The following ZNF334 variants were observed in gnomAD, a reference collection of about 807,000 sequenced individuals.
ZNF334 encodes the protein zinc finger protein 334.
A neutral mutation model predicts 12.4 loss-of-function variants in ZNF334; 14 were observed. The ratio of observed to expected loss-of-function variants is 1.13; its 90% CI spans 0.74 to 1.76. ZNF334 has a LOEUF of 1.76. Ranked by LOEUF, ZNF334 falls within the 40% of genes most tolerant of loss-of-function variation. ZNF334 has a pLI of 0.00. For missense variants in ZNF334, 797 were observed against 804.5 expected (o/e 0.99, Z 0.11); for synonymous variants, 273 against 269.6 (o/e 1.01, Z -0.12).
In ZNF334 at chr20:46,501,592, G is replaced by C. The variant is rs145212475; in HGVS notation, c.1747C>G (p.Gln583Glu). Residue 583 changes from glutamine to glutamate, a missense_variant, in exon 5 of 5, where the codon CAG (glutamine) becomes GAG (glutamate). Physicochemically the swap from Gln to Glu is conservative, Grantham distance 29. Coordinates refer to ENST00000692313, the MANE Select transcript of ZNF334 (RefSeq NM_001353824.2). ...TGATGTTCAACAAAGGAGAACTTCT[G>C]ACAGAAGGTTTTCCCACATTCATTA... ...ECNECGKTFC[Q>E]KFSFVEHQRT... is the part of the protein sequence containing the mutation. The C allele has an allele frequency of 6.8e-6, 11 of 1,613,896 alleles. No homozygotes were observed. The African/African-American group carries it at 1.2e-4, about 18-fold the overall frequency.
At chr20:46,495,114 C>T (rs1487953213), downstream of ZNF334, among the ~76,000 whole-genome samples, 1 of 152,042 alleles carries the variant, frequency 6.6e-6, no homozygotes, top group Admixed American at 6.5e-5. Flanking sequence ...AAGTTAAATA[C>T]TTCAATTTAG....
At chr20:46,493,478 T>C in the ZNF334 span, among the ~76,000 whole-genome samples, 2 of 152,126 alleles carry the variant, frequency 1.3e-5, no homozygotes, top group African/African-American at 4.8e-5. Flanking sequence ...GTGGTCAAGA[T>C]GGTTTCTGCT....
downstream of ZNF334, among the ~76,000 whole-genome samples, chr20:46,498,484 CGTCAA>C (rs2061061472): frequency 6.6e-6 from 1 of 152,106 alleles, no homozygotes; most frequent in African/African-American, 2.4e-5. Flanking sequence ...CTTTCAGCCC[CGTCAA>C]GTCTTTACAT....
chr20:46,482,652 CAATAA>C, the ZNF334 span, among the ~76,000 whole-genome samples: 1 of 152,016 alleles, frequency 6.6e-6, no homozygotes, highest in Middle Eastern at 3.4e-3. Context: ...TTTTTTATAT[CAATAA>C]AATATCAATT....
the ZNF334 span, among the ~76,000 whole-genome samples, chr20:46,469,454 C>T: frequency 1.7e-3 from 252 of 151,812 alleles, no homozygotes; most frequent in African/African-American, 5.6e-3. Context: ...CTGCAAGCTC[C>T]GCCTCCCAGG....
rs1053727043 is a variant in ZNF334 at position 46,500,369 on chromosome 20, A to G, written c.*927T>C. 1.3e-5 allele frequency: 2 copies of G among 152,288 alleles called. No individual in the cohort carries two copies. The highest frequency in any genetic ancestry group is 4.8e-5 in the African/African-American group (2 of 41,578). 9.4% of individuals were successfully genotyped at this position (152,288 alleles called of 1,614,324 possible). A position where few individuals can be genotyped will look rare whatever the true frequency, so the allele number is the denominator to read the frequency against. Reference sequence around the variant, plus strand: ...ATAATGTAATCCTAATCAGCATCCCAGGCGCCTTTTGTTCTCAGAATTTGA... The same window carrying G: ...ATAATGTAATCCTAATCAGCATCCCGGGCGCCTTTTGTTCTCAGAATTTGA... On this transcript the variant is annotated 3_prime_UTR_variant, in exon 5 of 5. Transcript: ENST00000692313.
At chr20:46,499,207 C>T (rs1232984122), downstream of ZNF334, among the ~76,000 whole-genome samples, 1 of 147,944 alleles carries the variant, frequency 6.8e-6, no homozygotes, top group East Asian at 2.0e-4. Context: ...AAAAAGAATG[C>T]CATGTGAAGT....
Position 46,504,297 on chromosome 20 carries a change from A to C in ZNF334, c.158T>G (p.Val53Gly). 1.9e-6 allele frequency: 3 copies of C among 1,613,754 alleles called. No homozygotes were observed. Among genetic ancestry groups the C allele is most frequent in the Non-Finnish European group, 2.5e-6 (3 of 1,179,742 alleles). The change falls in exon 4 of 5, where the codon GTT becomes GGT. Residue 53 changes from valine to glycine, a missense_variant. By Grantham distance (109) the Val-to-Gly change is moderately radical. Coordinates refer to ENST00000692313, the MANE Select transcript of ZNF334 (RefSeq NM_001353824.2). The part of the protein sequence containing the change: ...YSNLVSVGYH[V>G]SKPDVIFKLE... ...TTTGAAAATCACATCTGGTTTGCTA[A>C]CATGATACCCTGTTAATGGGAAATT... is the stretch of plus-strand genomic sequence containing the variant.
In ZNF334 at chr20:46,501,943, A is replaced by G; in HGVS notation, c.1396T>C (p.Cys466Arg). Reference protein sequence around the residue: ...RGKKSYECNECGKFFCHKSTL... With the variant: ...RGKKSYECNERGKFFCHKSTL... ...GACTTATGGCAGAAAAATTTCCCAC[A>G]TTCATTACATTCATAAGACTTCTTT... Residue 466 changes from cysteine (C) to arginine (R), a missense_variant, in exon 5 of 5, where the codon TGT becomes CGT. Transcript: ENST00000692313. 1.4e-5 allele frequency: 22 copies of G among 1,614,058 alleles called. No homozygotes were observed. Among genetic ancestry groups the G allele is most frequent in the Non-Finnish European group, 1.9e-5 (22 of 1,180,018 alleles).
At chr20:46,468,116 CT>C in the ZNF334 span, among the ~76,000 whole-genome samples, 1 of 152,172 alleles carries the variant, frequency 6.6e-6, no homozygotes, top group Non-Finnish European at 1.5e-5. Context: ...AGGGCTTAGC[CT>C]GGGACAGTTT....
chr20:46,468,676 G>A, the ZNF334 span, among the ~76,000 whole-genome samples: 637 of 152,264 alleles, frequency 4.2e-3, 7 homozygotes, highest in Non-Finnish European at 6.9e-3. Flanking sequence ...TCAGGCTGTT[G>A]CCATGGAAAG....
intron 2 of ZNF334, among the ~76,000 whole-genome samples, chr20:46,507,278 A>G (rs952868538): frequency 6.6e-6 from 1 of 151,950 alleles, no homozygotes; most frequent in African/African-American, 2.4e-5. Context: ...AAATAAAGAA[A>G]AGGCTAGGAT....
chr20:46,509,303 A>G (rs1001695034), intron 2 of ZNF334, among the ~76,000 whole-genome samples: 1 of 152,214 alleles, frequency 6.6e-6, no homozygotes, highest in Non-Finnish European at 1.5e-5. Flanking sequence ...ATTTCTAGAA[A>G]ACAGATCCTA....
chr20:46,464,201 C>T, the ZNF334 span: 1 of 529,838 alleles, frequency 1.9e-6, no homozygotes. Flanking sequence ...CTCCCCTGTC[C>T]TTCATCAAAA....
At chr20:46,463,842 G>C in the ZNF334 span, 1 of 400,024 alleles carries the variant, frequency 2.5e-6, no homozygotes, top group Non-Finnish European at 5.1e-6. Context: ...CACCACAGGG[G>C]ACTGCTGCTG....
In ZNF334 at chr20:46,502,855, G is replaced by C. The variant is rs369879124; in HGVS notation, c.484C>G (p.Pro162Ala). 112 of 1,613,554 alleles carry C rather than the reference G, an allele frequency of 6.9e-5. No individual in the cohort carries two copies. Among genetic ancestry groups the C allele is most frequent in the Non-Finnish European group, 5.2e-5 (61 of 1,179,944 alleles). The change falls in exon 5 of 5, where the codon CCT becomes GCT. Residue 162 changes from proline to alanine, a missense_variant. By Grantham distance (27) the Pro-to-Ala change is conservative. Transcript: ENST00000692313. The stretch of plus-strand genomic sequence containing the variant: ...TTCCCAAATCCACTGTATCCATCAG[G>C]AATCTTTCTGTTTTCTTTGCTTTTC... ...AKKSKENRKI[P>A]DGYSGFGKHE...
rs1461197895 is a variant in ZNF334, at chr20:46,500,035, T to C, written c.*1261A>G. On this transcript the variant is annotated 3_prime_UTR_variant, in exon 5 of 5. Transcript: ENST00000692313. ...CAACTTAGTGTGACCATTCAGCTAA[T>C]GGGCCAATTAGCTGAATGACAGAAT... is the stretch of plus-strand genomic sequence containing the variant. 1 of 152,192 alleles carries C rather than the reference T, an allele frequency of 6.6e-6. No individual in the cohort carries two copies. Among genetic ancestry groups the C allele is most frequent in the African/African-American group, 2.4e-5 (1 of 41,454 alleles). 9.4% of individuals were successfully genotyped at this position (152,192 alleles called of 1,614,324 possible).
chr20:46,479,187 T>C, the ZNF334 span, among the ~76,000 whole-genome samples: 44 of 152,316 alleles, frequency 2.9e-4, no homozygotes, highest in African/African-American at 1.1e-3. Context: ...GGGGAACCTG[T>C]CTCCTTGCCT....
chr20:46,495,088 T>C (rs1180596277), downstream of ZNF334, among the ~76,000 whole-genome samples: 1 of 152,100 alleles, frequency 6.6e-6, no homozygotes, highest in Non-Finnish European at 1.5e-5. Flanking sequence ...TAAGCAAAAA[T>C]AACAGATGGA....
Sources: allele counts gnomAD v4.1 joint callset (sites outside exome capture counted in the v4.1 genomes callset), GRCh38; gene constraint gnomAD v4.1.1; transcripts MANE v1.5; gene names NCBI Gene and HGNC (gene_info 2026-07-23, HGNC 2026-07-21).